The following CEP128 variants were observed in gnomAD, a reference collection of about 807,000 sequenced individuals.
CEP128 encodes centrosomal protein 128kDa.
CEP128 carries 132 observed loss-of-function variants against 156.7 expected under a neutral mutation model. The observed-to-expected ratio is 0.84, with a 90% CI of 0.73 to 0.97. CEP128 has a LOEUF of 0.97. Ranked by LOEUF, CEP128 falls within the 50% of genes least tolerant of loss-of-function variation. CEP128 has a pLI of 0.00. For synonymous variants in CEP128, 469 were observed against 448.9 expected, an observed-to-expected ratio of 1.04 and a Z score of -0.57; for missense variants, 1,252 against 1,281.9, an observed-to-expected ratio of 0.98 and a Z score of 0.36.
Position 80,520,790 on chromosome 14 carries a change from G to A in CEP128, c.3072+6079C>T, listed in dbSNP as rs569008600. On this transcript the variant is annotated intron_variant, in intron 23 of 24. Coordinates refer to ENST00000555265, the MANE Select transcript of CEP128 (RefSeq NM_152446.5). ...AAGATGTTTTTAATGATGGTTCATA[G>A]GAATCAGCGCTTAGTTTCTTAAAGT... Among the ~76,000 whole-genome samples, 15 of 152,010 alleles carry A rather than the reference G, an allele frequency of 9.9e-5. No individual in the cohort carries two copies. In the South Asian group the frequency reaches 3.1e-3, roughly 32 times the overall value.
intron 19 of CEP128, among the ~76,000 whole-genome samples, chr14:80,596,983 G>A (rs943250193): frequency 1.3e-5 from 2 of 149,524 alleles, no homozygotes; most frequent in Non-Finnish European, 3.0e-5. Context: ...AGTCTCAAAT[G>A]AATACCCTAT....
Position 80,580,386 on chromosome 14 carries a change from C to A in CEP128, c.2844G>T (p.Met948Ile). Residue 948 changes from methionine to isoleucine, a missense_variant, in exon 20 of 25, where the codon ATG becomes ATT. By Grantham distance (10) the Met-to-Ile change is conservative (BLOSUM62 1). Transcript: ENST00000555265. ...TTTAAGAATTTACCTGCAGAGATCC[C>A]ATTTCTTCATCTTTTCTTTGGGTCT... ...LEETQRKDEE[M>I]GSLQDRVIAL... is the part of the protein sequence containing the mutation. 1 of 1,599,394 alleles carries A rather than the reference C, an allele frequency of 6.3e-7. No homozygotes were observed. Among genetic ancestry groups the A allele is most frequent in the African/African-American group, 1.3e-5 (1 of 74,804 alleles).
chr14:80,780,906 T>C (rs1400559958), intron 15 of CEP128, among the ~76,000 whole-genome samples: 1 of 152,060 alleles, frequency 6.6e-6, no homozygotes, highest in Non-Finnish European at 1.5e-5. Flanking sequence ...CAAATCAAAA[T>C]ACAAGGCAGC....
intron 20 of CEP128, among the ~76,000 whole-genome samples, chr14:80,560,786 G>C (rs922829412): frequency 1.3e-5 from 2 of 152,140 alleles, no homozygotes; most frequent in Admixed American, 6.6e-5. Flanking sequence ...TGTACGCCAC[G>C]TTCTTCAGTT....
downstream of CEP128, among the ~76,000 whole-genome samples, chr14:80,487,440 C>A (rs746515557): frequency 9.9e-5 from 15 of 152,120 alleles, no homozygotes; most frequent in Non-Finnish European, 1.9e-4. Flanking sequence ...AACTTTAATA[C>A]CCCACTGTCA....
intron 21 of CEP128, among the ~76,000 whole-genome samples, chr14:80,558,035 T>C (rs1890509862): frequency 6.6e-6 from 1 of 152,144 alleles, no homozygotes; most frequent in Admixed American, 6.5e-5. Context: ...TGCATAGTAT[T>C]TCATCAAATA....
At chr14:80,723,574 G>A (rs1897904212) in intron 19 of CEP128, among the ~76,000 whole-genome samples, 3 of 152,166 alleles carry the variant, frequency 2.0e-5, no homozygotes, top group Non-Finnish European at 4.4e-5. Context: ...GGGAAATCTA[G>A]CATAATGGTA....
intron 15 of CEP128, 32 bp from the exon 16 acceptor site, chr14:80,778,078 C>G (rs760729287): frequency 1.3e-6 from 2 of 1,599,336 alleles, no homozygotes; most frequent in Admixed American, 3.4e-5. Context: ...AACAGAAAGT[C>G]CACTAGCCAT....
chr14:80,666,985 G>A (rs1029542619), intron 19 of CEP128, among the ~76,000 whole-genome samples: 4 of 152,086 alleles, frequency 2.6e-5, no homozygotes, highest in African/African-American at 9.7e-5. Context: ...AAAACAAGAA[G>A]CCAGAAAGCC....
intron 14 of CEP128, among the ~76,000 whole-genome samples, chr14:80,483,750 A>G (rs1200837194): frequency 6.6e-6 from 1 of 152,210 alleles, no homozygotes; most frequent in Non-Finnish European, 1.5e-5. Context: ...TTCTTCAAAG[A>G]GGTTACTGTC....
intron 2 of CEP128, among the ~76,000 whole-genome samples, chr14:80,939,134 A>G (rs1357476478): frequency 2.0e-5 from 3 of 152,250 alleles, no homozygotes; most frequent in Non-Finnish European, 2.9e-5. Context: ...CAGGTTCTCA[A>G]TTCCTTGCTT....
intron 2 of CEP128, among the ~76,000 whole-genome samples, chr14:80,930,116 A>C (rs538720671): frequency 3.3e-5 from 5 of 152,318 alleles, no homozygotes; most frequent in African/African-American, 1.2e-4. Flanking sequence ...TGAGAATCTA[A>C]TGTCTGATGA....
Position 80,563,056 on chromosome 14 carries a change from T to G in CEP128, c.2857-3754A>C, listed in dbSNP as rs1890755855. Among the ~76,000 whole-genome samples the G allele has an allele frequency of 2.0e-5, 3 of 152,208 alleles. No homozygotes were observed. The South Asian group carries it at 6.2e-4, about 32-fold the overall frequency. On this transcript the variant is annotated intron_variant, in intron 20 of 24. Transcript: ENST00000555265. ...AACATATAATTACAACAAAATAAAT[T>G]ATATCTCCATAACCTCTCCCAGTTT...
chr14:80,825,879 G>A (rs562804825), intron 13 of CEP128, among the ~76,000 whole-genome samples: 4 of 152,064 alleles, frequency 2.6e-5, no homozygotes, highest in South Asian at 4.2e-4. Flanking sequence ...AGGCCAAGAC[G>A]GGCGGATCAT....
rs186565522 is a variant in CEP128, at chr14:80,567,988, T to C, written c.2857-8686A>G. Among the ~76,000 whole-genome samples the C allele has an allele frequency of 4.3e-4, 66 of 152,226 alleles. No individual in the cohort carries two copies. The East Asian group carries it at 0.012, about 28-fold the overall frequency. On this transcript the variant is annotated intron_variant, in intron 20 of 24. Transcript: ENST00000555265. ...ACGACACCAGTCGTGAGGTTAGTCA[T>C]GTATCAATGGCATATGCCCTGAACT...
intron 14 of CEP128, among the ~76,000 whole-genome samples, chr14:80,790,243 AC>A (rs1487881070): frequency 6.6e-6 from 1 of 152,074 alleles, no homozygotes; most frequent in Non-Finnish European, 1.5e-5. Context: ...AACAACAACA[AC>A]AACAAAAATC....
At chr14:80,745,178 G>A (rs890030582) in intron 18 of CEP128, among the ~76,000 whole-genome samples, 9 of 152,046 alleles carry the variant, frequency 5.9e-5, no homozygotes, top group East Asian at 3.9e-4. Flanking sequence ...AGATCTGGTC[G>A]TTTAAAGGTG....
chr14:80,737,143 T>C (rs531313579), intron 19 of CEP128, among the ~76,000 whole-genome samples: 47 of 152,334 alleles, frequency 3.1e-4, no homozygotes, highest in African/African-American at 9.6e-4. Context: ...CAGTGGCTCA[T>C]GCCTGTAATC....
chr14:80,744,028 G>C (rs1446269486), intron 18 of CEP128, among the ~76,000 whole-genome samples: 1 of 151,652 alleles, frequency 6.6e-6, no homozygotes, highest in African/African-American at 2.4e-5. Flanking sequence ...ACACCACCAT[G>C]TCTGGCTAAC....
Sources: gnomAD v4.1 joint callset for allele counts (sites outside exome capture counted in the v4.1 genomes callset) on GRCh38, gnomAD v4.1.1 for gene constraint, MANE v1.5 for transcripts, NCBI Gene and HGNC (gene_info 2026-07-23, HGNC 2026-07-21) for gene names.